The following DCX variants were observed in gnomAD, a reference collection of about 807,000 sequenced individuals.
DCX encodes neuronal migration protein doublecortin.
A neutral mutation model predicts 20.9 loss-of-function variants in DCX; 4 were observed. That is an observed-to-expected ratio of 0.19 (90% CI 0.09 to 0.44). DCX has a LOEUF of 0.44. Ranked by LOEUF, DCX falls within the 20% of genes least tolerant of loss-of-function variation. The pLI is 0.99. For missense variants in DCX, 133 were observed against 296.9 expected, an observed-to-expected ratio of 0.45 and a Z score of 4.06; for synonymous variants, 103 against 111.4, an observed-to-expected ratio of 0.92 and a Z score of 0.47.
intron 4 of DCX, among the ~76,000 whole-genome samples, chrX:111,331,525 C>T (rs1921243824): frequency 8.9e-6 from 1 of 111,918 alleles, no homozygotes; most frequent in Non-Finnish European, 1.9e-5. Flanking sequence ...GATATCATGT[C>T]ACTTTATATA....
rs1923636454 is a variant in DCX, at chrX:111,355,217, A to T, written c.706-22064T>A. Reference sequence around the variant, plus strand: ...TTTTTAAATTGAACCCCTGTTTGTCATTCTCTTATTAAGGTAGAAAAATAT... The same window carrying T: ...TTTTTAAATTGAACCCCTGTTTGTCTTTCTCTTATTAAGGTAGAAAAATAT... On this transcript the variant is annotated intron_variant, in intron 3 of 6. Coordinates refer to ENST00000636035, the MANE Select transcript of DCX (RefSeq NM_001195553.2). Among the ~76,000 whole-genome samples the T allele has an allele frequency of 5.4e-5, 6 of 111,631 alleles. No homozygotes were observed. In the South Asian group the frequency reaches 2.3e-3, roughly 42 times the overall value.
chrX:111,363,959 A>T (rs766409109), intron 3 of DCX, among the ~76,000 whole-genome samples: 1 of 112,019 alleles, frequency 8.9e-6, no homozygotes, highest in African/African-American at 3.2e-5. Flanking sequence ...ACTACATATC[A>T]GGTTTGTATT....
intron 2 of DCX, among the ~76,000 whole-genome samples, chrX:111,407,937 G>A (rs183427228): frequency 9.0e-6 from 1 of 110,923 alleles, no homozygotes; most frequent in Non-Finnish European, 1.9e-5. Context: ...CTAATACTTG[G>A]TCTGAATACA....
intron 3 of DCX, among the ~76,000 whole-genome samples, chrX:111,337,989 C>T (rs926124975): frequency 4.5e-5 from 5 of 112,126 alleles, no homozygotes; most frequent in African/African-American, 6.5e-5. Flanking sequence ...GAGAACAATT[C>T]TAATTATGAA....
At chrX:111,400,895 G>T in intron 3 of DCX, 95 bp downstream of exon 3, 1 of 813,733 alleles carries the variant, frequency 1.2e-6, no homozygotes, top group South Asian at 2.1e-5. Context: ...GAGATGTGGA[G>T]GAAGAGTCCG....
chrX:111,349,177 T>C (rs1432270105), intron 3 of DCX, among the ~76,000 whole-genome samples: 1 of 111,252 alleles, frequency 9.0e-6, no homozygotes, highest in African/African-American at 3.3e-5. Flanking sequence ...AAATTAAGAG[T>C]CTCTAGACTA....
intron 3 of DCX, among the ~76,000 whole-genome samples, chrX:111,350,199 G>A (rs2147670947): frequency 9.0e-6 from 1 of 111,231 alleles, no homozygotes; most frequent in Non-Finnish European, 1.9e-5. Flanking sequence ...GTTGATAAGA[G>A]TCAGCTTCCC....
chrX:111,327,004 T>C (rs2095101015), intron 5 of DCX, among the ~76,000 whole-genome samples: 1 of 111,716 alleles, frequency 9.0e-6, no homozygotes, highest in Non-Finnish European at 1.9e-5. Context: ...CAAACCAGAA[T>C]CAAACCTGTA....
intron 6 of DCX, among the ~76,000 whole-genome samples, chrX:111,308,963 C>A (rs2095051604): frequency 9.1e-6 from 1 of 109,787 alleles, no homozygotes; most frequent in South Asian, 3.9e-4. Flanking sequence ...TTCCTCTGTA[C>A]CTCTTTTTTT....
chrX:111,363,782 A>G (rs1203895780), intron 3 of DCX, among the ~76,000 whole-genome samples: 1 of 111,434 alleles, frequency 9.0e-6, no homozygotes, highest in Non-Finnish European at 1.9e-5. Flanking sequence ...AAAACTACCT[A>G]TTTGCAGTGG....
At chrX:111,402,782 GGTGTGTGTGT>G (rs200058275) in intron 2 of DCX, among the ~76,000 whole-genome samples, 1,039 of 96,815 alleles carry the variant, frequency 0.011, 8 homozygotes, top group East Asian at 0.045. Flanking sequence ...GTGTGTGCGT[GGTGTGTGTGT>G]GTGTGTGTGT....
At chrX:111,367,715 C>T (rs1439217117) in intron 3 of DCX, among the ~76,000 whole-genome samples, 2 of 111,204 alleles carry the variant, frequency 1.8e-5, no homozygotes, top group Middle Eastern at 4.2e-3. Flanking sequence ...TTGAGGCAGA[C>T]GTTATAATTC....
chrX:111,297,827 T>G lies in DCX; in HGVS notation c.*3860A>C, dbSNP rs2095025018. ...TGTATAGAGCACACAGCTTGCTATT[T>G]TGGTGCAAACACAGGAGCCAATGTT... On this transcript the variant is annotated 3_prime_UTR_variant, in exon 7 of 7. Coordinates refer to ENST00000636035, the MANE Select transcript of DCX (RefSeq NM_001195553.2). The G allele has an allele frequency of 8.9e-6, 1 of 111,743 alleles. No homozygotes were observed. Among genetic ancestry groups the G allele is most frequent in the African/African-American group, 3.3e-5 (1 of 30,651 alleles). 9.2% of individuals were successfully genotyped at this position (111,743 alleles called of 1,213,427 possible). A position where few individuals can be genotyped will look rare whatever the true frequency, so the allele number is the denominator to read the frequency against.
chrX:111,348,759 G>T (rs1204701337), intron 3 of DCX, among the ~76,000 whole-genome samples: 1 of 110,006 alleles, frequency 9.1e-6, no homozygotes, highest in African/African-American at 3.3e-5. Context: ...TGCTTGTAGG[G>T]CCCATTACAG....
chrX:111,350,187 C>T (rs1569491742), intron 3 of DCX, among the ~76,000 whole-genome samples: 1 of 111,075 alleles, frequency 9.0e-6, no homozygotes, highest in Non-Finnish European at 1.9e-5. Context: ...ACAAGGGAGC[C>T]TGTTGATAAG....
At chrX:111,342,370 T>TGG (rs1922352063) in intron 3 of DCX, among the ~76,000 whole-genome samples, 1 of 75,873 alleles carries the variant, frequency 1.3e-5, no homozygotes, top group African/African-American at 4.9e-5. Flanking sequence ...TATATATATA[T>TGG]ATATATATAT....
intron 5 of DCX, among the ~76,000 whole-genome samples, chrX:111,319,058 CAG>C (rs1241651794): frequency 8.9e-6 from 1 of 112,218 alleles, no homozygotes; most frequent in Non-Finnish European, 1.9e-5. Context: ...AGGGTGCCAG[CAG>C]AGAGTTTCAG....
rs1259677362 is a variant in DCX, at chrX:111,316,095, A to AT, written c.947-3360_947-3359insA. Among the ~76,000 whole-genome samples the AT allele has an allele frequency of 2.7e-3, 267 of 100,217 alleles. 7 individuals are homozygous for AT. The highest frequency in any genetic ancestry group is 8.8e-3 in the African/African-American group (212 of 24,187). The allele number at this position is 100,217 out of a possible 115,157, so 87.0% of individuals were successfully genotyped here. A position where few individuals can be genotyped will look rare whatever the true frequency, so the allele number is the denominator to read the frequency against. ...AGAGTATAATAAAAAATAAAAAAAA[A>AT]AAAAAAAAAAAAAAATGTTAAGGGT... is the stretch of plus-strand genomic sequence containing the variant. On this transcript the variant is annotated intron_variant, in intron 5 of 6. Coordinates refer to ENST00000636035, the MANE Select transcript of DCX (RefSeq NM_001195553.2).
At position 111,301,513 on chromosome X, in the gene DCX, G is replaced by A. The variant is rs2095033937; in HGVS notation, c.*174C>T. ...GTAACTGTGGATCAGTGGCCCAGAGGAGAAATCACAGGAAAATAAACCCAA... is the reference window on the plus strand; with the variant it reads ...GTAACTGTGGATCAGTGGCCCAGAGAAGAAATCACAGGAAAATAAACCCAA... On this transcript the variant is annotated 3_prime_UTR_variant, in exon 7 of 7. Transcript: ENST00000636035. 1 of 525,968 alleles carries A rather than the reference G, an allele frequency of 1.9e-6. No individual in the cohort carries two copies. The highest frequency in any genetic ancestry group is 2.3e-5 in the African/African-American group (1 of 43,267). The allele number at this position is 525,968 out of a possible 1,213,427, so 43.3% of individuals were successfully genotyped here.
Sources: gnomAD v4.1 joint callset for allele counts (sites outside exome capture counted in the v4.1 genomes callset) on GRCh38, gnomAD v4.1.1 for gene constraint, MANE v1.5 for transcripts, NCBI Gene and HGNC (gene_info 2026-07-23, HGNC 2026-07-21) for gene names.